Variants in PCDHGA3 observed in about 807,000 individuals in gnomAD.
PCDHGA3 encodes protocadherin gamma-A3.
A neutral mutation model predicts 58.5 loss-of-function variants in PCDHGA3; 40 were observed. That is an observed-to-expected ratio of 0.68 (90% CI 0.53 to 0.89). The LOEUF (loss-of-function observed/expected upper bound fraction) is 0.89, where lower values mean the gene tolerates loss of function less well. Ranked by LOEUF, PCDHGA3 falls within the 40% of genes least tolerant of loss-of-function variation. The pLI is 0.00. For synonymous variants in PCDHGA3, 530 were observed against 525.7 expected, an observed-to-expected ratio of 1.01 and a Z score of -0.11; for missense variants, 1,223 against 1,195.9, an observed-to-expected ratio of 1.02 and a Z score of -0.33.
At chr5:141,463,587 T>TA (rs2099064735) in intron 1 of PCDHGA3, among the ~76,000 whole-genome samples, 1 of 152,058 alleles carries the variant, frequency 6.6e-6, no homozygotes, top group East Asian at 1.9e-4. Context: ...TAGCTGGGAC[T>TA]ACAGGTGCCT....
At chr5:141,418,000 G>A (rs758811293) in intron 1 of PCDHGA3, 6 of 1,613,902 alleles carry the variant, frequency 3.7e-6, no homozygotes, top group Admixed American at 1.7e-5. Context: ...GCTCGGTGGT[G>A]GGGAACCTCG....
chr5:141,419,451 C>T (rs747887064), intron 1 of PCDHGA3: 2 of 1,612,796 alleles, frequency 1.2e-6, no homozygotes, highest in Non-Finnish European at 8.5e-7. Flanking sequence ...TTCGAGCTCA[C>T]GCTGCAGGCC....
At chr5:141,478,247 G>C (rs1377698933) in intron 1 of PCDHGA3, 1 of 1,613,956 alleles carries the variant, frequency 6.2e-7, no homozygotes, top group Non-Finnish European at 8.5e-7. Context: ...CACAGTGTTC[G>C]GAGTAATCAT....
chr5:141,456,098 C>A (rs1222639126), intron 1 of PCDHGA3, among the ~76,000 whole-genome samples: 1 of 151,980 alleles, frequency 6.6e-6, no homozygotes. Context: ...GGGATTTCAC[C>A]GTGTTAGCCA....
At chr5:141,494,724 T>C in intron 1 of PCDHGA3, 83 bp from the exon 2 acceptor site, 1 of 1,606,108 alleles carries the variant, frequency 6.2e-7, no homozygotes, top group South Asian at 1.1e-5. Flanking sequence ...CCCCTCCTTC[T>C]CTCCCGGCCC....
intron 1 of PCDHGA3, 142 bp downstream of exon 1, chr5:141,346,599 T>C: frequency 7.7e-7 from 1 of 1,300,024 alleles, no homozygotes; most frequent in Non-Finnish European, 1.1e-6. Flanking sequence ...CCTTTCTTTC[T>C]GGGCCTATAG....
chr5:141,394,150 A>C (rs781168813), intron 1 of PCDHGA3: 2 of 1,613,798 alleles, frequency 1.2e-6, no homozygotes, highest in East Asian at 4.5e-5. Context: ...GCAGACATTA[A>C]CGACAACCCT....
chr5:141,409,409 A>C, intron 1 of PCDHGA3: 4 of 1,614,046 alleles, frequency 2.5e-6, no homozygotes, highest in Non-Finnish European at 3.4e-6. Flanking sequence ...TAACTACTAC[A>C]AACTGGTGAC....
intron 1 of PCDHGA3, chr5:141,365,843 G>C: frequency 6.2e-7 from 1 of 1,613,912 alleles, no homozygotes; most frequent in Non-Finnish European, 8.5e-7. Flanking sequence ...GTCCTCCTAT[G>C]TATCCATTAA....
Position 141,405,415 on chromosome 5 carries a change from GT to G in PCDHGA3, c.2424+58964del, listed in dbSNP as rs757320616. The G allele has an allele frequency of 3.1e-4, 488 of 1,559,566 alleles. 1 individual carries two copies. Among genetic ancestry groups the G allele is most frequent in the Admixed American group, 8.4e-4 (46 of 54,770 alleles). On this transcript the variant is annotated intron_variant, in intron 1 of 3. Transcript: ENST00000253812. Reference sequence around the variant, plus strand: ...TTTTCTTTCTTTCTTTTCTTTTTTTGTTTTTTGTTTTGTTTTGTTTTTGAGA... The same window carrying G: ...TTTTCTTTCTTTCTTTTCTTTTTTTGTTTTTGTTTTGTTTTGTTTTTGAGA...
intron 1 of PCDHGA3, chr5:141,404,061 A>G (rs375910829): frequency 9.9e-6 from 16 of 1,613,906 alleles, no homozygotes; most frequent in African/African-American, 4.0e-5. Flanking sequence ...CTTCTTTTCA[A>G]TGCTCATGAC....
intron 1 of PCDHGA3, among the ~76,000 whole-genome samples, chr5:141,381,823 C>CA (rs1777504204): frequency 2.0e-5 from 2 of 101,610 alleles, no homozygotes; most frequent in African/African-American, 8.6e-5. Flanking sequence ...TTTCTTTCTT[C>CA]TTCTTTTTTT....
Position 141,367,146 on chromosome 5 carries a change from A to G in PCDHGA3, c.2424+20689A>G, listed in dbSNP as rs900796312. 2.4e-5 allele frequency: 4 copies of G among 168,774 alleles called. No individual in the cohort carries two copies. In the East Asian group the frequency reaches 5.2e-4, roughly 22 times the overall value. 10.5% of individuals were successfully genotyped at this position (168,774 alleles called of 1,614,324 possible). A position where few individuals can be genotyped will look rare whatever the true frequency, so the allele number is the denominator to read the frequency against. ...ATGTGTTTTGGAAAGGATAATGTAT[A>G]GGACTGATATTTTAGTCTACCTGAA... is the stretch of plus-strand genomic sequence containing the variant. On this transcript the variant is annotated intron_variant, in intron 1 of 3. Transcript: ENST00000253812.
chr5:141,346,942 A>G (rs1757831150), intron 1 of PCDHGA3, among the ~76,000 whole-genome samples: 1 of 152,236 alleles, frequency 6.6e-6, no homozygotes, highest in Non-Finnish European at 1.5e-5. Context: ...TTTTATGCCC[A>G]TGAAATTAAA....
chr5:141,407,868 A>AAT (rs1474357780), intron 1 of PCDHGA3, among the ~76,000 whole-genome samples: 1 of 152,242 alleles, frequency 6.6e-6, no homozygotes, highest in Admixed American at 6.5e-5. Context: ...ATTTTCGAAG[A>AAT]ATATATACAT....
chr5:141,372,028 A>G (rs1367060313), intron 1 of PCDHGA3: 2 of 1,613,362 alleles, frequency 1.2e-6, no homozygotes, highest in South Asian at 1.1e-5. Flanking sequence ...CTCAGCGCCA[A>G]CGTGAGCCTG....
rs1226463441 is a variant in PCDHGA3, at chr5:141,432,906, T to A, written c.2425-61901T>A. 6.2e-7 allele frequency: 1 copy of A among 1,614,176 alleles called. No individual in the cohort carries two copies. The highest frequency in any genetic ancestry group is 8.5e-7 in the Non-Finnish European group (1 of 1,180,002). ...GTCATCTTGCTGCTGGCGCTCAGGC[T>A]GCGGCGCTGGCACAAGTCACGCCTG... On this transcript the variant is annotated intron_variant, in intron 1 of 3. Coordinates refer to ENST00000253812, the MANE Select transcript of PCDHGA3 (RefSeq NM_018916.4). The surrounding 1 kb of genome is among the most constrained non-coding windows in gnomAD (Gnocchi z 6.0).
intron 1 of PCDHGA3, among the ~76,000 whole-genome samples, chr5:141,456,464 A>T (rs1430885015): frequency 6.6e-6 from 1 of 152,192 alleles, no homozygotes; most frequent in Non-Finnish European, 1.5e-5. Flanking sequence ...TCAATACAAG[A>T]CATATAAGCA....
chr5:141,503,912 AAC>A lies in PCDHGA3; in HGVS notation c.2484-1471_2484-1470del, dbSNP rs34419983. Among the ~76,000 whole-genome samples, 284 of 152,278 alleles carry A rather than the reference AAC, an allele frequency of 1.9e-3. 1 individual carries two copies. The highest frequency in any genetic ancestry group is 0.014 in the Middle Eastern group (4 of 292). Reference sequence around the variant, plus strand: ...GACAAAATATGCACACACACAACGCAACACACACACAGACATTTTCATGCCTT... The same window carrying A: ...GACAAAATATGCACACACACAACGCAACACACACAGACATTTTCATGCCTT... On this transcript the variant is annotated intron_variant, in intron 2 of 3. Coordinates refer to ENST00000253812, the MANE Select transcript of PCDHGA3 (RefSeq NM_018916.4).
Sources: gnomAD v4.1 joint callset for allele counts (sites outside exome capture counted in the v4.1 genomes callset) on GRCh38, gnomAD v4.1.1 for gene constraint, Gnocchi (gnomAD v3.1) non-coding constraint, MANE v1.5 for transcripts, NCBI Gene and HGNC (gene_info 2026-07-23, HGNC 2026-07-21) for gene names.